The following KCNJ12 variants were observed in gnomAD, a reference collection of about 807,000 sequenced individuals.
KCNJ12 encodes potassium inwardly rectifying channel subfamily J member 12, also known as ATP-sensitive inward rectifier potassium channel 12.
KCNJ12 carries 2 observed loss-of-function variants against 22.3 expected under a neutral mutation model. The observed-to-expected ratio is 0.09, with a 90% confidence interval of 0.04 to 0.28. The LOEUF is 0.28. Among genes scored for constraint, KCNJ12 ranks in the 10% least tolerant of loss-of-function variants. The pLI is 1.00. For synonymous variants in KCNJ12, 117 were observed against 261.4 expected (o/e 0.45, Z 5.33); for missense variants, 155 against 633.3 (o/e 0.24, Z 8.11).
intron 2 of KCNJ12, among the ~76,000 whole-genome samples, chr17:21,413,623 G>T (rs368021109): frequency 4.1e-4 from 61 of 149,062 alleles, no homozygotes; most frequent in African/African-American, 1.3e-3. Flanking sequence ...ATCCAGATGT[G>T]GCTGTGGGCC....
rs1173170172 is a variant in KCNJ12 at position 21,417,536 on chromosome 17, C to T, written c.*892C>T. 6.0e-6 allele frequency: 1 copy of T among 167,172 alleles called. No homozygotes were observed. Among genetic ancestry groups the T allele is most frequent in the Non-Finnish European group, 1.5e-5 (1 of 68,158 alleles). 10.4% of individuals were successfully genotyped at this position (167,172 alleles called of 1,614,324 possible). A position where few individuals can be genotyped will look rare whatever the true frequency, so the allele number is the denominator to read the frequency against. On this transcript the variant is annotated 3_prime_UTR_variant, in exon 3 of 3. Coordinates refer to ENST00000583088, the MANE Select transcript of KCNJ12 (RefSeq NM_021012.5). ...TCTCTCTCCATTTCTGTCCAGGCCTCCGCCCAATTCCACAGTGAGGGGTGG... is the reference window on the plus strand; with the variant it reads ...TCTCTCTCCATTTCTGTCCAGGCCTTCGCCCAATTCCACAGTGAGGGGTGG...
chr17:21,392,937 A>G (rs898511743), intron 1 of KCNJ12, among the ~76,000 whole-genome samples: 2 of 152,042 alleles, frequency 1.3e-5, no homozygotes, highest in Non-Finnish European at 2.9e-5. Flanking sequence ...AGGGTTAGGG[A>G]GGCTAGGGCA....
intron 1 of KCNJ12, among the ~76,000 whole-genome samples, chr17:21,396,298 G>A (rs1567699664): frequency 6.6e-6 from 1 of 152,218 alleles, no homozygotes; most frequent in South Asian, 2.1e-4. Flanking sequence ...GAGAAGGGCA[G>A]CCGGGAATCT....
chr17:21,393,804 C>T (rs548765417), intron 1 of KCNJ12, among the ~76,000 whole-genome samples: 5 of 152,352 alleles, frequency 3.3e-5, no homozygotes, highest in South Asian at 2.1e-4. Context: ...CTTCACCGCC[C>T]GCCTCCACCC....
chr17:21,386,301 C>T (rs1365217043), intron 1 of KCNJ12, among the ~76,000 whole-genome samples: 1 of 152,156 alleles, frequency 6.6e-6, no homozygotes, highest in Non-Finnish European at 1.5e-5. Flanking sequence ...CTTGTCTTCA[C>T]ATGGTCTCCT....
chr17:21,378,420 G>C (rs1476331145), intron 1 of KCNJ12, among the ~76,000 whole-genome samples: 1 of 152,216 alleles, frequency 6.6e-6, no homozygotes, highest in Non-Finnish European at 1.5e-5. Flanking sequence ...CTGCCCCTCA[G>C]TTCTCTGGTG....
At chr17:21,414,572 C>T (rs374794109) in intron 2 of KCNJ12, among the ~76,000 whole-genome samples, 113 of 151,804 alleles carry the variant, frequency 7.4e-4, no homozygotes, top group Middle Eastern at 3.4e-3. Context: ...CCCCTGGCTA[C>T]GTTATTGTTA....
intron 2 of KCNJ12, among the ~76,000 whole-genome samples, chr17:21,408,854 C>T (rs1289658542): frequency 6.6e-6 from 1 of 152,426 alleles, no homozygotes; most frequent in South Asian, 2.1e-4. Context: ...CCCATTCCCC[C>T]ACCCATTCAT....
At chr17:21,388,619 T>C (rs1221578722) in intron 1 of KCNJ12, among the ~76,000 whole-genome samples, 1 of 152,206 alleles carries the variant, frequency 6.6e-6, no homozygotes, top group Non-Finnish European at 1.5e-5. Flanking sequence ...TCTCAGGAAG[T>C]AGTGTGACGT....
chr17:21,407,546 G>A (rs111956732), intron 1 of KCNJ12, among the ~76,000 whole-genome samples: 1,691 of 107,192 alleles, frequency 0.016, no homozygotes, highest in Middle Eastern at 0.037. Flanking sequence ...CATCCCATTC[G>A]TCTATCCATC....
chr17:21,377,463 T>TA (rs1382273655), intron 1 of KCNJ12, among the ~76,000 whole-genome samples: 1 of 152,124 alleles, frequency 6.6e-6, no homozygotes, highest in African/African-American at 2.4e-5. Flanking sequence ...CTGGAAATGA[T>TA]TCCATGCCAG....
intron 2 of KCNJ12, among the ~76,000 whole-genome samples, chr17:21,411,639 T>C (rs1906355941): frequency 6.6e-6 from 1 of 152,310 alleles, no homozygotes; most frequent in Non-Finnish European, 1.5e-5. Context: ...CTTTTTCTTT[T>C]TGGACTTGGT....
chr17:21,406,414 T>C (rs1351284621), intron 1 of KCNJ12, among the ~76,000 whole-genome samples: 1 of 152,312 alleles, frequency 6.6e-6, no homozygotes, highest in Non-Finnish European at 1.5e-5. Context: ...TGTCCATCCA[T>C]CCACCCATCC....
At chr17:21,409,370 T>C (rs1474317382) in intron 2 of KCNJ12, among the ~76,000 whole-genome samples, 1 of 152,304 alleles carries the variant, frequency 6.6e-6, no homozygotes, top group African/African-American at 2.4e-5. Context: ...GAGCCTTTGC[T>C]GTGGAGAGGC....
chr17:21,406,949 G>A (rs1905979281), intron 1 of KCNJ12, among the ~76,000 whole-genome samples: 1 of 152,294 alleles, frequency 6.6e-6, no homozygotes, highest in East Asian at 1.9e-4. Context: ...TGGATAGGAA[G>A]GCAGGGGGAT....
chr17:21,409,242 A>T (rs1167924783), intron 2 of KCNJ12, among the ~76,000 whole-genome samples: 1 of 152,302 alleles, frequency 6.6e-6, no homozygotes, highest in Admixed American at 6.5e-5. Context: ...CCAGGGGAGG[A>T]GGAGGAGGTG....
rs142944147 is a variant in KCNJ12 at position 21,392,023 on chromosome 17, G to T, written c.-179+15110G>T. ...ATCCGTCTTGCCTCCTAGGGCTGTG[G>T]TTGAGGTAGAACCGGCTGACTTATG... On this transcript the variant is annotated intron_variant, in intron 1 of 2. Transcript: ENST00000583088. 1.6e-4 allele frequency among the ~76,000 whole-genome samples: 24 copies of T among 152,350 alleles called. No homozygotes were observed. In the East Asian group the frequency reaches 4.2e-3, roughly 27 times the overall value.
chr17:21,393,792 G>C (rs976773392), intron 1 of KCNJ12, among the ~76,000 whole-genome samples: 1 of 152,228 alleles, frequency 6.6e-6, no homozygotes, highest in South Asian at 2.1e-4. Flanking sequence ...GTGCCCCCAG[G>C]CCTTCACCGC....
At chr17:21,393,945 G>T (rs1905270539) in intron 1 of KCNJ12, among the ~76,000 whole-genome samples, 1 of 152,192 alleles carries the variant, frequency 6.6e-6, no homozygotes, top group Non-Finnish European at 1.5e-5. Flanking sequence ...GGCACTGCTG[G>T]TCTCTAGTGC....
Sources: gnomAD v4.1 joint callset for allele counts (sites outside exome capture counted in the v4.1 genomes callset) on GRCh38, gnomAD v4.1.1 for gene constraint, MANE v1.5 for transcripts, NCBI Gene and HGNC (gene_info 2026-07-23, HGNC 2026-07-21) for gene names.